The following TAB1 variants were observed in gnomAD, a reference collection of about 807,000 sequenced individuals.
TAB1 encodes the protein TGF-beta-activated kinase 1 and MAP3K7-binding protein 1.
Under a neutral mutation model 54.5 loss-of-function variants are expected in TAB1, and 30 were observed. The ratio of observed to expected loss-of-function variants is 0.55; its 90% CI spans 0.41 to 0.75. TAB1 has a LOEUF of 0.75. Among genes scored for constraint, TAB1 ranks in the 30% least tolerant of loss-of-function variants. TAB1 has a pLI of 0.00. For synonymous variants in TAB1, 289 were observed against 286.9 expected (o/e 1.01, Z -0.07); for missense variants, 609 against 683.2 (o/e 0.89, Z 1.21).
chr22:39,413,136 G>T (rs184157592), intron 1 of TAB1, among the ~76,000 whole-genome samples: 8 of 151,782 alleles, frequency 5.3e-5, no homozygotes, highest in Non-Finnish European at 1.0e-4. Flanking sequence ...GGATGGTCTC[G>T]ATCTTCTGAC....
chr22:39,416,055 T>G (rs1001527818), intron 3 of TAB1, among the ~76,000 whole-genome samples: 1 of 152,194 alleles, frequency 6.6e-6, no homozygotes, highest in Non-Finnish European at 1.5e-5. Context: ...CTCCCCTTTC[T>G]GAGGGGCCGC....
intron 5 of TAB1, 85 bp downstream of exon 5, chr22:39,417,934 C>A: frequency 6.7e-7 from 1 of 1,498,686 alleles, no homozygotes; most frequent in Non-Finnish European, 8.9e-7. Flanking sequence ...ATCTGCTTTC[C>A]AGACACTTCA....
At chr22:39,429,017 G>A (rs1272303692) in intron 10 of TAB1, 1 of 973,908 alleles carries the variant, frequency 1.0e-6, no homozygotes, top group Non-Finnish European at 1.2e-6. Flanking sequence ...CTGCCGGGCT[G>A]CCTGGAGGAG....
chr22:39,425,359 G>A (rs1367628409), intron 8 of TAB1, among the ~76,000 whole-genome samples: 2 of 151,586 alleles, frequency 1.3e-5, no homozygotes, highest in East Asian at 3.9e-4. Context: ...CTCCAGCCTG[G>A]TCAACACAGT....
At chr22:39,436,395 G>A, downstream of TAB1, 1 of 995,626 alleles carries the variant, frequency 1.0e-6, no homozygotes, top group South Asian at 1.3e-5. Flanking sequence ...CGTGGCCTCA[G>A]AGAGGTTTAG....
intron 1 of TAB1, among the ~76,000 whole-genome samples, chr22:39,413,132 T>G (rs1926678873): frequency 6.6e-6 from 1 of 152,062 alleles, no homozygotes; most frequent in African/African-American, 2.4e-5. Flanking sequence ...GCCAGGATGG[T>G]CTCGATCTTC....
At chr22:39,433,604 T>A, downstream of TAB1, 1 of 985,340 alleles carries the variant, frequency 1.0e-6, no homozygotes, top group Non-Finnish European at 1.2e-6. Flanking sequence ...CACTAGGAGT[T>A]GTACCGTCCT....
At chr22:39,435,448 G>A (rs1280536440), downstream of TAB1, among the ~76,000 whole-genome samples, 4 of 152,040 alleles carry the variant, frequency 2.6e-5, no homozygotes, top group Admixed American at 6.6e-5. Flanking sequence ...TCACTCCCGC[G>A]GCCCTCACCC....
At chr22:39,413,490 C>T (rs925551558) in intron 1 of TAB1, among the ~76,000 whole-genome samples, 5 of 151,642 alleles carry the variant, frequency 3.3e-5, no homozygotes, top group African/African-American at 9.7e-5. Context: ...GATCTCAGCT[C>T]GCTGCAACCT....
At chr22:39,399,976 G>A in intron 1 of TAB1, 141 bp downstream of exon 1, 2 of 980,686 alleles carry the variant, frequency 2.0e-6, no homozygotes, top group Middle Eastern at 2.8e-4. Flanking sequence ...TCCTCTCCTC[G>A]GGCTGGCCCC....
At chr22:39,417,179 C>T (rs368948750) in intron 4 of TAB1, among the ~76,000 whole-genome samples, 1 of 152,226 alleles carries the variant, frequency 6.6e-6, no homozygotes, top group Admixed American at 6.5e-5. Context: ...CCTACTGCCA[C>T]CTGCAGCGCT....
chr22:39,433,313 T>C, downstream of TAB1: 2 of 767,044 alleles, frequency 2.6e-6, no homozygotes, highest in Non-Finnish European at 3.2e-6. Flanking sequence ...TAGCCGGATG[T>C]GGTGGTGGGC....
chr22:39,402,837 C>T (rs541134968), intron 1 of TAB1, among the ~76,000 whole-genome samples: 3 of 152,324 alleles, frequency 2.0e-5, no homozygotes, highest in South Asian at 4.1e-4. Flanking sequence ...CAGGTGTGAG[C>T]CACTGTGCCC....
chr22:39,423,953 T>G (rs1927206922), intron 8 of TAB1, among the ~76,000 whole-genome samples: 1 of 150,546 alleles, frequency 6.6e-6, no homozygotes, highest in African/African-American at 2.4e-5. Context: ...GTATAGTGTT[T>G]TATAGTGTAC....
chr22:39,410,770 A>G (rs188492882), intron 1 of TAB1, among the ~76,000 whole-genome samples: 71 of 152,268 alleles, frequency 4.7e-4, no homozygotes, highest in Middle Eastern at 3.4e-3. Context: ...GACAATGTCT[A>G]CTTTCCCCAA....
downstream of TAB1, chr22:39,433,816 CCTT>C (rs1191486833): frequency 2.0e-6 from 2 of 985,300 alleles, no homozygotes; most frequent in Non-Finnish European, 2.4e-6. Context: ...GGGGCTAGTT[CCTT>C]CTTGTCCCTC....
intron 8 of TAB1, 130 bp from the exon 9 acceptor site, chr22:39,426,573 T>A: frequency 1.3e-6 from 1 of 765,042 alleles, no homozygotes; most frequent in Non-Finnish European, 2.1e-6. Flanking sequence ...CAAACTTGGC[T>A]GGCAGGCATT....
chr22:39,426,272 A>C (rs952083769), intron 8 of TAB1, among the ~76,000 whole-genome samples: 2 of 152,210 alleles, frequency 1.3e-5, no homozygotes, highest in African/African-American at 4.8e-5. Context: ...CCCTGTTTTC[A>C]TTCTGTATCC....
Position 39,415,800 on chromosome 22 carries a change from GC to G in TAB1, c.324+154del, listed in dbSNP as rs201144039. 10 of 1,061,750 alleles carry G rather than the reference GC, an allele frequency of 9.4e-6. No homozygotes were observed. The highest frequency in any genetic ancestry group is 1.3e-5 in the Non-Finnish European group (10 of 751,270). 65.8% of individuals were successfully genotyped at this position (1,061,750 alleles called of 1,614,324 possible). On this transcript the variant is annotated intron_variant, in intron 3 of 10. Transcript: ENST00000216160. This position sits in a 1 kb window ranked among gnomAD's most constrained non-coding sequence, Gnocchi z 4.9. ...AGTAGAGGAGCAGCTCCCAGCGTAG[GC>G]CCCCCCACCCAACAGGAGTCCAGGA...
Sources: allele counts gnomAD v4.1 joint callset (sites outside exome capture counted in the v4.1 genomes callset), GRCh38; gene constraint gnomAD v4.1.1; non-coding constraint Gnocchi (gnomAD v3.1); transcripts MANE v1.5; gene names NCBI Gene and HGNC (gene_info 2026-07-23, HGNC 2026-07-21).